The following CABLES1 variants were observed in gnomAD, a reference collection of about 807,000 sequenced individuals.
CABLES1 encodes the protein Cdk5 and Abl enzyme substrate 1.
A neutral mutation model predicts 57.8 loss-of-function variants in CABLES1; 36 were observed. The observed-to-expected ratio is 0.62, with a 90% CI of 0.48 to 0.82. CABLES1 has a LOEUF of 0.82. CABLES1 is among the 40% of genes least tolerant of loss of function. CABLES1 has a pLI of 0.00. For synonymous variants in CABLES1, 374 were observed against 363.0 expected (o/e 1.03, Z -0.35); for missense variants, 767 against 836.6 (o/e 0.92, Z 1.03).
intron 7 of CABLES1, among the ~76,000 whole-genome samples, chr18:23,251,746 C>G (rs560498809): frequency 6.6e-6 from 1 of 152,094 alleles, no homozygotes; most frequent in Non-Finnish European, 1.5e-5. Context: ...GTTGTTCAAC[C>G]TTAAAGGAAA....
rs116411984 is a variant in CABLES1 at position 23,252,407 on chromosome 18, A to G, written c.1447-553A>G. ...TTTTACCACCATTTAAAAAACTAAA[A>G]GAACATTAGCTAACATGTATTGAGC... On this transcript the variant is annotated intron_variant, in intron 7 of 9. Coordinates refer to ENST00000256925, the MANE Select transcript of CABLES1 (RefSeq NM_001100619.3). 5.0e-3 allele frequency among the ~76,000 whole-genome samples: 759 copies of G among 152,288 alleles called. 8 individuals carry two copies. The highest frequency in any genetic ancestry group is 0.017 in the African/African-American group (724 of 41,546).
Position 23,206,089 on chromosome 18 carries a change from T to G in CABLES1, c.1011-7888T>G, listed in dbSNP as rs139888993. On this transcript the variant is annotated intron_variant, in intron 3 of 9. Coordinates refer to ENST00000256925, the MANE Select transcript of CABLES1 (RefSeq NM_001100619.3). ...ATTTCTGTGGTTTAAGCCACCCAGT[T>G]TGTGGTGCTCTGACTTCGTGAGCTT... 2.2e-3 allele frequency among the ~76,000 whole-genome samples: 329 copies of G among 152,230 alleles called. 2 individuals are homozygous for G. Among genetic ancestry groups the G allele is most frequent in the South Asian group, 0.018 (87 of 4,814 alleles).
At chr18:23,214,969 G>A (rs1393963837) in intron 4 of CABLES1, among the ~76,000 whole-genome samples, 3 of 152,120 alleles carry the variant, frequency 2.0e-5, no homozygotes, top group South Asian at 4.1e-4. Context: ...CGGCCTATTC[G>A]ATTCACCAAG....
chr18:23,241,312 C>T (rs2047730808), intron 7 of CABLES1, among the ~76,000 whole-genome samples: 2 of 151,922 alleles, frequency 1.3e-5, no homozygotes, highest in African/African-American at 2.4e-5. Context: ...GGGGGGATCA[C>T]TTGAGGTCAA....
intron 1 of CABLES1, among the ~76,000 whole-genome samples, chr18:23,137,537 G>C (rs1368114528): frequency 1.3e-5 from 2 of 152,188 alleles, no homozygotes; most frequent in Non-Finnish European, 2.9e-5. Flanking sequence ...CAATAGCATA[G>C]ACCCTACCTT....
chr18:23,225,277 T>C (rs2047519999), intron 4 of CABLES1, among the ~76,000 whole-genome samples: 1 of 152,256 alleles, frequency 6.6e-6, no homozygotes. Flanking sequence ...TGGATTCACC[T>C]TGAGATCTGC....
chr18:23,217,285 G>A (rs1384739807), intron 4 of CABLES1, among the ~76,000 whole-genome samples: 1 of 152,074 alleles, frequency 6.6e-6, no homozygotes, highest in African/African-American at 2.4e-5. Context: ...ATCTCGCCAT[G>A]TTGCCCAGAC....
intron 1 of CABLES1, among the ~76,000 whole-genome samples, chr18:23,150,583 G>A (rs2046922330): frequency 6.6e-6 from 1 of 152,148 alleles, no homozygotes; most frequent in African/African-American, 2.4e-5. Flanking sequence ...CCAAGCACTG[G>A]GATATGGGGG....
intron 9 of CABLES1, among the ~76,000 whole-genome samples, chr18:23,256,387 C>A (rs928687509): frequency 1.3e-5 from 2 of 152,216 alleles, no homozygotes; most frequent in African/African-American, 2.4e-5. Context: ...GGACTTAGAT[C>A]CTTGTAAGAT....
intron 4 of CABLES1, among the ~76,000 whole-genome samples, chr18:23,215,907 C>T (rs1228980295): frequency 6.6e-6 from 1 of 152,076 alleles, no homozygotes; most frequent in Non-Finnish European, 1.5e-5. Flanking sequence ...GCGCCTGCCA[C>T]CATGCCAGGC....
chr18:23,228,188 T>C (rs1203617067), intron 4 of CABLES1, among the ~76,000 whole-genome samples: 1 of 152,202 alleles, frequency 6.6e-6, no homozygotes, highest in Non-Finnish European at 1.5e-5. Context: ...TGTTATCTAA[T>C]AGGGAATCTT....
chr18:23,143,695 C>A (rs1281841661), intron 1 of CABLES1, among the ~76,000 whole-genome samples: 1 of 152,186 alleles, frequency 6.6e-6, no homozygotes, highest in Non-Finnish European at 1.5e-5. Context: ...TAGCCCAGTG[C>A]TCTGTGCCCA....
chr18:23,174,120 C>T (rs1186066232), intron 1 of CABLES1, among the ~76,000 whole-genome samples: 6 of 152,152 alleles, frequency 3.9e-5, no homozygotes, highest in Non-Finnish European at 8.8e-5. Context: ...CTCCCCCTCT[C>T]GGATCCCAGC....
intron 7 of CABLES1, among the ~76,000 whole-genome samples, chr18:23,240,752 G>A (rs1206955380): frequency 1.3e-5 from 2 of 152,220 alleles, no homozygotes; most frequent in African/African-American, 4.8e-5. Context: ...GGCCAGCCCA[G>A]CAGAGGCGCC....
intron 9 of CABLES1, among the ~76,000 whole-genome samples, chr18:23,255,260 G>A (rs2048133464): frequency 6.6e-6 from 1 of 152,108 alleles, no homozygotes; most frequent in South Asian, 2.1e-4. Flanking sequence ...AGTCAGCAAG[G>A]CCCCAGATAT....
At chr18:23,254,432 T>A (rs2048114563) in intron 9 of CABLES1, among the ~76,000 whole-genome samples, 1 of 152,220 alleles carries the variant, frequency 6.6e-6, no homozygotes, top group Non-Finnish European at 1.5e-5. Context: ...GCTACATGAA[T>A]GCCTGTTTTA....
chr18:23,217,577 T>C (rs550534009), intron 4 of CABLES1, among the ~76,000 whole-genome samples: 15 of 152,330 alleles, frequency 9.8e-5, no homozygotes, highest in Non-Finnish European at 1.8e-4. Flanking sequence ...TGAGCAGACA[T>C]TGTATTTATA....
intron 1 of CABLES1, among the ~76,000 whole-genome samples, chr18:23,187,242 G>A (rs899937362): frequency 3.9e-5 from 6 of 152,228 alleles, no homozygotes; most frequent in African/African-American, 1.2e-4. Context: ...TAATTGCAGA[G>A]TGAAACTACA....
chr18:23,208,517 G>C (rs529883907), intron 3 of CABLES1, among the ~76,000 whole-genome samples: 3 of 152,334 alleles, frequency 2.0e-5, no homozygotes, highest in Admixed American at 2.0e-4. Context: ...AGGGGTCAGA[G>C]TGGAGCTGGG....
Sources: gnomAD v4.1 joint callset for allele counts (sites outside exome capture counted in the v4.1 genomes callset) on GRCh38, gnomAD v4.1.1 for gene constraint, MANE v1.5 for transcripts, NCBI Gene and HGNC (gene_info 2026-07-23, HGNC 2026-07-21) for gene names.